KIAA0319L: variants seen among roughly 807,000 people sequenced by gnomAD.
KIAA0319L encodes KIAA0319 like.
A neutral mutation model predicts 120.1 loss-of-function variants in KIAA0319L; 55 were observed. That is an observed-to-expected ratio of 0.46 (90% CI 0.37 to 0.57). The LOEUF (loss-of-function observed/expected upper bound fraction) is 0.57. Among genes scored for constraint, KIAA0319L ranks in the 20% least tolerant of loss-of-function variants. The pLI is 0.00. For missense variants in KIAA0319L, 1,049 were observed against 1,255.3 expected, an observed-to-expected ratio of 0.84 and a Z score of 2.48; for synonymous variants, 398 against 471.9, an observed-to-expected ratio of 0.84 and a Z score of 2.03.
rs551207753 is a variant in KIAA0319L, at chr1:35,514,712, C to T, written c.143-7577G>A. Among the ~76,000 whole-genome samples, 4 of 152,224 alleles carry T rather than the reference C, an allele frequency of 2.6e-5. No homozygotes were observed. The South Asian group carries it at 8.3e-4, about 32-fold the overall frequency. ...CTAACCATCCTAAATATATCTGGAC[C>T]CAACACAGAAGCACCCAGATTCATA... is the stretch of plus-strand genomic sequence containing the variant. On this transcript the variant is annotated intron_variant, in intron 2 of 20. Transcript: ENST00000325722.
intron 6 of KIAA0319L, among the ~76,000 whole-genome samples, chr1:35,468,211 T>C (rs1643398412): frequency 6.6e-6 from 1 of 152,198 alleles, no homozygotes; most frequent in Non-Finnish European, 1.5e-5. Context: ...GAACCACAAG[T>C]AGTATCTTTG....
chr1:35,520,708 T>A (rs1050088504), intron 2 of KIAA0319L, among the ~76,000 whole-genome samples: 5 of 152,148 alleles, frequency 3.3e-5, no homozygotes, highest in African/African-American at 1.2e-4. Flanking sequence ...CACCCCTACT[T>A]CCCTCCTAGC....
In KIAA0319L at chr1:35,506,828, A is replaced by G; in HGVS notation, c.450T>C (p.His150=). 1.9e-6 allele frequency: 3 copies of G among 1,614,204 alleles called. No homozygotes were observed. The highest frequency in any genetic ancestry group is 2.5e-6 in the Non-Finnish European group (3 of 1,180,038). The change falls in exon 3 of 21, where the codon CAT becomes CAC. Residue 150 remains histidine, a synonymous_variant. Coordinates refer to ENST00000325722, the MANE Select transcript of KIAA0319L (RefSeq NM_024874.5). The surrounding 1 kb of genome is among the most constrained non-coding windows in gnomAD (Gnocchi z 4.0). ...CCCAGTTCCAACCTAGCCCCAGAAG[A>G]TGTGGTACATCATCTTCAGGTAGAA... ...LGFLPEDDVP[H]LLGLGWNWAS...
intron 2 of KIAA0319L, among the ~76,000 whole-genome samples, chr1:35,552,172 T>C (rs187843217): frequency 1.3e-5 from 2 of 152,144 alleles, no homozygotes; most frequent in Non-Finnish European, 2.9e-5. Flanking sequence ...AGAAACCTGG[T>C]CTCTACTAAA....
chr1:35,541,760 G>A (rs1646802583), intron 2 of KIAA0319L, among the ~76,000 whole-genome samples: 1 of 152,184 alleles, frequency 6.6e-6, no homozygotes, highest in Non-Finnish European at 1.5e-5. Flanking sequence ...GCCTTGCCAA[G>A]CATGGGCACA....
chr1:35,501,177 G>T (rs956360564), intron 3 of KIAA0319L, among the ~76,000 whole-genome samples: 1 of 152,122 alleles, frequency 6.6e-6, no homozygotes, highest in African/African-American at 2.4e-5. Context: ...CTAGAAGAAA[G>T]AATTCTCTAT....
At chr1:35,543,776 G>GT (rs1270043042) in intron 2 of KIAA0319L, among the ~76,000 whole-genome samples, 2 of 152,168 alleles carry the variant, frequency 1.3e-5, no homozygotes, top group Non-Finnish European at 2.9e-5. Context: ...AAGGCAGGAG[G>GT]TGATTTTGTC....
rs1641334475 is a variant in KIAA0319L, at chr1:35,442,932, T to C, written c.2753A>G (p.Gln918Arg). Residue 918 changes from glutamine to arginine, a missense_variant, in exon 18 of 21, where the codon CAG becomes CGG. Coordinates refer to ENST00000325722, the MANE Select transcript of KIAA0319L (RefSeq NM_024874.5). ...PFWMENFIKV[Q>R]LRDGDSNCEW... ...ACAGTTGCTGTCTCCATCCCTCAGC[T>C]GCACCTTGATGAAATTCTCCATCCA... is the stretch of plus-strand genomic sequence containing the variant. 9.9e-6 allele frequency: 16 copies of C among 1,614,114 alleles called. No homozygotes were observed. Among genetic ancestry groups the C allele is most frequent in the Non-Finnish European group, 1.3e-5 (15 of 1,180,042 alleles).
At chr1:35,549,334 T>C (rs1647110499) in intron 2 of KIAA0319L, among the ~76,000 whole-genome samples, 1 of 152,146 alleles carries the variant, frequency 6.6e-6, no homozygotes, top group African/African-American at 2.4e-5. Context: ...CCAATGCACC[T>C]GGCCTCTACC....
intron 2 of KIAA0319L, among the ~76,000 whole-genome samples, chr1:35,518,977 C>CAAA (rs766877681): frequency 5.0e-5 from 3 of 59,734 alleles, no homozygotes; most frequent in Admixed American, 3.7e-4. Flanking sequence ...GACTCTGTCT[C>CAAA]AAAAAAAAAA....
intron 2 of KIAA0319L, among the ~76,000 whole-genome samples, chr1:35,537,063 T>G (rs1211064179): frequency 6.6e-6 from 1 of 152,316 alleles, no homozygotes; most frequent in African/African-American, 2.4e-5. Flanking sequence ...ACTGTCTTTG[T>G]ACTTCAAAAA....
chr1:35,512,935 G>A (rs1021491928), intron 2 of KIAA0319L, among the ~76,000 whole-genome samples: 6 of 150,836 alleles, frequency 4.0e-5, no homozygotes, highest in Non-Finnish European at 8.8e-5. Context: ...TAAACCAGGG[G>A]CTATACACTA....
chr1:35,500,534 A>G (rs923731062), intron 3 of KIAA0319L, among the ~76,000 whole-genome samples: 3 of 152,266 alleles, frequency 2.0e-5, no homozygotes, highest in Non-Finnish European at 4.4e-5. Context: ...ATATTTCCAA[A>G]AGAGTGAAAA....
chr1:35,540,915 T>G (rs1040866270), intron 2 of KIAA0319L, among the ~76,000 whole-genome samples: 3 of 152,152 alleles, frequency 2.0e-5, no homozygotes, highest in African/African-American at 7.2e-5. Context: ...GCAGAAACCG[T>G]ATCTGTCTTG....
At chr1:35,531,102 A>G (rs1646349715) in intron 2 of KIAA0319L, among the ~76,000 whole-genome samples, 1 of 152,214 alleles carries the variant, frequency 6.6e-6, no homozygotes, top group Non-Finnish European at 1.5e-5. Flanking sequence ...AGCTTCTGGC[A>G]GCAGCAGTGG....
intron 2 of KIAA0319L, among the ~76,000 whole-genome samples, chr1:35,525,491 C>A (rs1406470599): frequency 6.6e-6 from 1 of 152,110 alleles, no homozygotes; most frequent in Non-Finnish European, 1.5e-5. Context: ...TCTCTTTTTT[C>A]CGCATACTCG....
chr1:35,448,096 C>A, intron 16 of KIAA0319L, 77 bp downstream of exon 16: 1 of 1,364,160 alleles, frequency 7.3e-7, no homozygotes, highest in Non-Finnish European at 1.0e-6. Flanking sequence ...TATCTAACCA[C>A]ACTATTTCTC....
chr1:35,435,610 A>C (rs1640725532), intron 20 of KIAA0319L: 1 of 153,272 alleles, frequency 6.5e-6, no homozygotes, highest in Non-Finnish European at 1.5e-5. Flanking sequence ...AGGGTGGCAG[A>C]GTAGGTGCAC....
At chr1:35,451,905 A>C (rs570271747) in intron 12 of KIAA0319L, 129 bp from the exon 13 acceptor site, 5 of 937,366 alleles carry the variant, frequency 5.3e-6, no homozygotes, top group South Asian at 5.3e-5. Flanking sequence ...TTGACAAGAC[A>C]TGTTTAAAAA....
Sources: allele counts gnomAD v4.1 joint callset (sites outside exome capture counted in the v4.1 genomes callset), GRCh38; gene constraint gnomAD v4.1.1; non-coding constraint Gnocchi (gnomAD v3.1); transcripts MANE v1.5; gene names NCBI Gene and HGNC (gene_info 2026-07-23, HGNC 2026-07-21).